The following ZFAND3 variants were observed in gnomAD, a reference collection of about 807,000 sequenced individuals.
The protein encoded by ZFAND3 is zinc finger AN1-type containing 3.
Under a neutral mutation model 29.6 loss-of-function variants are expected in ZFAND3, and 10 were observed. That is an observed-to-expected ratio of 0.34 (90% CI 0.21 to 0.57). The LOEUF is 0.57. Ranked by LOEUF, ZFAND3 falls within the 20% of genes least tolerant of loss-of-function variation. ZFAND3 has a pLI of 0.86. For missense variants in ZFAND3, 230 were observed against 304.5 expected (o/e 0.76, Z 1.82); for synonymous variants, 128 against 112.6 (o/e 1.14, Z -0.87).
At chr6:37,897,628 T>G (rs1314464370) in intron 1 of ZFAND3, among the ~76,000 whole-genome samples, 2 of 152,228 alleles carry the variant, frequency 1.3e-5, no homozygotes, top group African/African-American at 4.8e-5. Context: ...AGTATTTCAG[T>G]GTTCCACACC....
chr6:38,111,719 T>C (rs929502688), intron 4 of ZFAND3, among the ~76,000 whole-genome samples: 6 of 152,176 alleles, frequency 3.9e-5, no homozygotes, highest in African/African-American at 1.4e-4. Flanking sequence ...AAATATGTGT[T>C]AATTGTCTGT....
intron 1 of ZFAND3, among the ~76,000 whole-genome samples, chr6:37,886,500 T>G (rs1297058425): frequency 6.6e-6 from 1 of 152,162 alleles, no homozygotes; most frequent in Admixed American, 6.5e-5. Context: ...TAGTACAAGT[T>G]GTTTGGGTCA....
intron 4 of ZFAND3, among the ~76,000 whole-genome samples, chr6:38,106,845 C>G (rs1765220502): frequency 6.6e-6 from 1 of 152,122 alleles, no homozygotes; most frequent in Non-Finnish European, 1.5e-5. Context: ...GAGATATTGG[C>G]TGTTGTCATG....
Position 38,027,082 on chromosome 6 carries a change from C to T in ZFAND3, c.113-34511C>T, listed in dbSNP as rs1345379808. ...GAGGTCTTCAAGAGCCTACAGGGCT[C>T]TAAGGACACAGGTTCTAGTGATGGA... On this transcript the variant is annotated intron_variant, in intron 2 of 5. Coordinates refer to ENST00000287218, the MANE Select transcript of ZFAND3 (RefSeq NM_021943.3). Among the ~76,000 whole-genome samples, 4 of 152,186 alleles carry T rather than the reference C, an allele frequency of 2.6e-5. No homozygotes were observed. In the East Asian group the frequency reaches 7.7e-4, roughly 29 times the overall value.
At chr6:37,878,339 A>G (rs1218648460) in intron 1 of ZFAND3, among the ~76,000 whole-genome samples, 3 of 152,326 alleles carry the variant, frequency 2.0e-5, no homozygotes, top group Non-Finnish European at 2.9e-5. Flanking sequence ...CCTATCCTGA[A>G]TGAGTTTGGA....
At chr6:38,015,352 G>A (rs1763235249) in intron 2 of ZFAND3, among the ~76,000 whole-genome samples, 1 of 152,194 alleles carries the variant, frequency 6.6e-6, no homozygotes, top group Non-Finnish European at 1.5e-5. Flanking sequence ...GGATGTGTGG[G>A]CTCTGCTATT....
chr6:37,996,972 C>T (rs976260735), intron 2 of ZFAND3, among the ~76,000 whole-genome samples: 10 of 152,026 alleles, frequency 6.6e-5, no homozygotes, highest in Non-Finnish European at 2.9e-5. Context: ...GCATATTTTT[C>T]TTCTCTTGAA....
intron 1 of ZFAND3, among the ~76,000 whole-genome samples, chr6:37,834,766 G>A (rs1763933641): frequency 6.9e-6 from 1 of 144,774 alleles, no homozygotes; most frequent in African/African-American, 2.8e-5. Flanking sequence ...AATGATATAT[G>A]CTCATATATG....
chr6:37,846,404 G>A (rs1764177864), intron 1 of ZFAND3, among the ~76,000 whole-genome samples: 1 of 152,134 alleles, frequency 6.6e-6, no homozygotes, highest in African/African-American at 2.4e-5. Flanking sequence ...CCAACCTGGA[G>A]AACATAGCAA....
At chr6:37,919,831 A>G (rs555862751) in intron 1 of ZFAND3, among the ~76,000 whole-genome samples, 17 of 152,308 alleles carry the variant, frequency 1.1e-4, no homozygotes, top group East Asian at 7.7e-4. Context: ...AACCATGACA[A>G]AGTATCCAAT....
chr6:37,936,512 A>G (rs1561939788), intron 2 of ZFAND3, among the ~76,000 whole-genome samples: 1 of 152,230 alleles, frequency 6.6e-6, no homozygotes, highest in Admixed American at 6.5e-5. Context: ...ATGTGTGCAT[A>G]CTTAATTTTT....
intron 1 of ZFAND3, among the ~76,000 whole-genome samples, chr6:37,888,958 A>G (rs1765046962): frequency 6.6e-6 from 1 of 152,192 alleles, no homozygotes; most frequent in Non-Finnish European, 1.5e-5. Flanking sequence ...TATTTATCCC[A>G]CTGTGGATTG....
chr6:38,005,518 G>T (rs1561963436), intron 2 of ZFAND3, among the ~76,000 whole-genome samples: 1 of 152,142 alleles, frequency 6.6e-6, no homozygotes, highest in Non-Finnish European at 1.5e-5. Context: ...GTGGTAGAAG[G>T]AGCTCTTAAG....
chr6:38,113,378 C>T (rs55933649), intron 4 of ZFAND3, among the ~76,000 whole-genome samples: 4,505 of 152,226 alleles, frequency 0.03, 176 homozygotes, highest in African/African-American at 0.085. Flanking sequence ...CAGAAACCTC[C>T]TTTAGGATTC....
intron 4 of ZFAND3, among the ~76,000 whole-genome samples, chr6:38,112,004 TTG>T (rs1765330337): frequency 6.6e-6 from 1 of 152,192 alleles, no homozygotes; most frequent in Non-Finnish European, 1.5e-5. Context: ...TGTGCAGTAC[TTG>T]TCTCTCTGTC....
chr6:38,043,583 T>G (rs1250683474), intron 2 of ZFAND3, among the ~76,000 whole-genome samples: 1 of 134,564 alleles, frequency 7.4e-6, no homozygotes, highest in Non-Finnish European at 1.6e-5. Context: ...CCTTCCCCTC[T>G]TCCCCTTCAC....
chr6:37,819,757 C>T lies in ZFAND3; in HGVS notation c.-189C>T, dbSNP rs1205513064. 6 of 235,090 alleles carry T rather than the reference C, an allele frequency of 2.6e-5. No homozygotes were observed. Among genetic ancestry groups the T allele is most frequent in the Non-Finnish European group, 4.6e-5 (6 of 131,198 alleles). The allele number at this position is 235,090 out of a possible 1,614,324, so 14.6% of individuals were successfully genotyped here. On this transcript the variant is annotated 5_prime_UTR_variant, in exon 1 of 6. Transcript: ENST00000287218. The stretch of plus-strand genomic sequence containing the variant: ...CGTCTCCGCAGGCCGAGTGGTGCGG[C>T]CCGCCTCCAGCTGACCGGCCTGGAA...
chr6:38,017,201 GCATCTTCATCC>G (rs1763266532), intron 2 of ZFAND3, among the ~76,000 whole-genome samples: 2 of 152,216 alleles, frequency 1.3e-5, no homozygotes, highest in South Asian at 2.1e-4. Context: ...TAGAAATGGA[GCATCTTCATCC>G]AGCATCTCCC....
At chr6:38,097,857 C>T (rs915509603) in intron 4 of ZFAND3, among the ~76,000 whole-genome samples, 1 of 152,006 alleles carries the variant, frequency 6.6e-6, no homozygotes, top group African/African-American at 2.4e-5. Flanking sequence ...TGAGGCCAGT[C>T]AGATTGGAGA....
Sources: gnomAD v4.1 joint callset for allele counts (sites outside exome capture counted in the v4.1 genomes callset) on GRCh38, gnomAD v4.1.1 for gene constraint, MANE v1.5 for transcripts, NCBI Gene and HGNC (gene_info 2026-07-23, HGNC 2026-07-21) for gene names.